The following TBCD variants were observed in gnomAD, a reference collection of about 807,000 sequenced individuals.
TBCD encodes the protein tubulin-specific chaperone D.
Under a neutral mutation model 169.3 loss-of-function variants are expected in TBCD, and 105 were observed. The observed-to-expected ratio is 0.62, with a 90% CI of 0.53 to 0.73. The LOEUF is 0.73. Ranked by LOEUF, TBCD falls within the 30% of genes least tolerant of loss-of-function variation. The pLI is 0.00. For synonymous variants in TBCD, 700 were observed against 643.9 expected (o/e 1.09, Z -1.32); for missense variants, 1,444 against 1,600.1 (o/e 0.90, Z 1.66).
chr17:82,780,105 CACTCG>C (rs2048846795), intron 6 of TBCD, among the ~76,000 whole-genome samples: 1 of 152,210 alleles, frequency 6.6e-6, no homozygotes, highest in Admixed American at 6.5e-5. Flanking sequence ...GCACCTCTCC[CACTCG>C]GCTGCTCTGC....
In TBCD at chr17:82,920,726, G is replaced by T. The variant is rs912117922; in HGVS notation, c.2101+108G>T. 5 of 1,007,256 alleles carry T rather than the reference G, an allele frequency of 5.0e-6. No homozygotes were observed. The highest frequency in any genetic ancestry group is 4.4e-6 in the Non-Finnish European group (3 of 685,222). 62.4% of individuals were successfully genotyped at this position (1,007,256 alleles called of 1,614,324 possible). ...GGGCGATAAACGATTATAGCTTAAA[G>T]GTTCAAGATATTAATCGGATACGTT... is the stretch of plus-strand genomic sequence containing the variant. On this transcript the variant is annotated intron_variant, in intron 24 of 38. Transcript: ENST00000355528. The surrounding 1 kb of genome is among the most constrained non-coding windows in gnomAD (Gnocchi z 4.1).
chr17:82,884,687 G>C lies in TBCD; in HGVS notation c.1533+485G>C, dbSNP rs1026411883. 2 of 206,860 alleles carry C rather than the reference G, an allele frequency of 9.7e-6. No homozygotes were observed. The highest frequency in any genetic ancestry group is 4.5e-5 in the African/African-American group (2 of 44,650). The allele number at this position is 206,860 out of a possible 1,614,324, so 12.8% of individuals were successfully genotyped here. ...GTGGGAGCTGCCTGCAGGACCGGGTGCGTCTTGAACACAGATGGCTGGTTT... is the reference window on the plus strand; with the variant it reads ...GTGGGAGCTGCCTGCAGGACCGGGTCCGTCTTGAACACAGATGGCTGGTTT... On this transcript the variant is annotated intron_variant, in intron 15 of 38. Transcript: ENST00000355528. The surrounding 1 kb of genome is among the most constrained non-coding windows in gnomAD (Gnocchi z 4.2).
chr17:82,911,854 G>A, intron 23 of TBCD, 65 bp downstream of exon 23: 1 of 1,584,858 alleles, frequency 6.3e-7, no homozygotes. Flanking sequence ...AGGGAGGTGT[G>A]CTCGTGGCGT....
intron 13 of TBCD, among the ~76,000 whole-genome samples, chr17:82,844,629 C>G (rs1052405612): frequency 6.6e-6 from 1 of 152,114 alleles, no homozygotes; most frequent in Non-Finnish European, 1.5e-5. Context: ...CTCCGTGGTC[C>G]TGGTGCTGCC....
rs925627025 is a variant in TBCD at position 82,887,184 on chromosome 17, T to C, written c.1534-2484T>C. On this transcript the variant is annotated intron_variant, in intron 15 of 38. Coordinates refer to ENST00000355528, the MANE Select transcript of TBCD (RefSeq NM_005993.5). The stretch of plus-strand genomic sequence containing the variant: ...GTGTGTGTGTGCGCGCGCGCGCACG[T>C]GCGCTCACGCGTTTACTTCTGTGTG... Among the ~76,000 whole-genome samples, 170 of 109,776 alleles carry C rather than the reference T, an allele frequency of 1.5e-3. 1 individual carries two copies. Among genetic ancestry groups the C allele is most frequent in the African/African-American group, 4.2e-3 (122 of 29,310 alleles). The allele number at this position is 109,776 out of a possible 152,430, so 72.0% of individuals were successfully genotyped here.
rs550036941 is a variant in TBCD, at chr17:82,889,931, C to T, written c.1563+234C>T. On this transcript the variant is annotated intron_variant, in intron 16 of 38. Transcript: ENST00000355528. This position sits in a 1 kb window ranked among gnomAD's most constrained non-coding sequence, Gnocchi z 5.3. The stretch of plus-strand genomic sequence containing the variant: ...ACAGGCCGGAAAGCTGTGCTTTACA[C>T]GTTGCCAAGAGCCACATAATGTGGC... Among the ~76,000 whole-genome samples the T allele has an allele frequency of 1.3e-5, 2 of 152,380 alleles. No homozygotes were observed. Among genetic ancestry groups the T allele is most frequent in the Non-Finnish European group, 2.9e-5 (2 of 68,038 alleles).
intron 17 of TBCD, among the ~76,000 whole-genome samples, chr17:82,894,006 C>G (rs910381100): frequency 2.6e-5 from 4 of 152,220 alleles, no homozygotes; most frequent in Non-Finnish European, 5.9e-5. Context: ...CAAGCACGGC[C>G]ACACCTCCTC....
chr17:82,838,279 C>T (rs1328254923), intron 13 of TBCD, among the ~76,000 whole-genome samples: 1 of 151,906 alleles, frequency 6.6e-6, no homozygotes, highest in Non-Finnish European at 1.5e-5. Flanking sequence ...AGTTGGGATG[C>T]TTAACAAGCT....
Position 82,818,111 on chromosome 17 carries a change from G to GGAT in TBCD, c.1318+3178_1318+3180dup, listed in dbSNP as rs1449021988. ...CTGACCCCAGGCAGCTGGGGCGAGA[G>GGAT]GATATGGGTGTTGGCATCATAAACG... is the stretch of plus-strand genomic sequence containing the variant. On this transcript the variant is annotated intron_variant, in intron 13 of 38. Coordinates refer to ENST00000355528, the MANE Select transcript of TBCD (RefSeq NM_005993.5). 2.6e-5 allele frequency among the ~76,000 whole-genome samples: 4 copies of GGAT among 152,366 alleles called. No homozygotes were observed. The East Asian group carries it at 7.7e-4, about 29-fold the overall frequency.
intron 13 of TBCD, among the ~76,000 whole-genome samples, chr17:82,839,264 C>T (rs948182061): frequency 9.9e-5 from 15 of 152,172 alleles, no homozygotes; most frequent in African/African-American, 3.6e-4. Flanking sequence ...ATACACCACA[C>T]ATATATATAA....
In TBCD at chr17:82,799,384, A is replaced by G. The variant is rs571651622; in HGVS notation, c.818-1480A>G. Among the ~76,000 whole-genome samples the G allele has an allele frequency of 1.1e-4, 15 of 133,644 alleles. No individual in the cohort carries two copies. In the East Asian group the frequency reaches 3.6e-3, roughly 32 times the overall value. The allele number at this position is 133,644 out of a possible 152,430, so 87.7% of individuals were successfully genotyped here. On this transcript the variant is annotated intron_variant, in intron 8 of 38. Coordinates refer to ENST00000355528, the MANE Select transcript of TBCD (RefSeq NM_005993.5). The stretch of plus-strand genomic sequence containing the variant: ...CTTGAGCCAGGGAGTTGGAGGTTGC[A>G]GTGAGCTGAGATCGCGCCACAGCAC...
chr17:82,860,829 CT>C (rs2056696113), intron 13 of TBCD, among the ~76,000 whole-genome samples: 1 of 152,222 alleles, frequency 6.6e-6, no homozygotes, highest in Non-Finnish European at 1.5e-5. Context: ...TGCCCCGCCC[CT>C]GAGGGAGGCC....
intron 15 of TBCD, among the ~76,000 whole-genome samples, chr17:82,887,008 C>G (rs1057012005): frequency 6.6e-6 from 1 of 151,796 alleles, no homozygotes; most frequent in Non-Finnish European, 1.5e-5. Flanking sequence ...GCAGGGAGAG[C>G]CCATGCGTGT....
rs548110866 is a variant in TBCD, at chr17:82,822,339, C to T, written c.1318+7405C>T. 2.0e-3 allele frequency among the ~76,000 whole-genome samples: 301 copies of T among 152,266 alleles called. 2 individuals are homozygous for T. The highest frequency in any genetic ancestry group is 6.9e-3 in the African/African-American group (288 of 41,544). On this transcript the variant is annotated intron_variant, in intron 13 of 38. Coordinates refer to ENST00000355528, the MANE Select transcript of TBCD (RefSeq NM_005993.5). ...AAGTCGTTAAGAAAATACAAAAGGG[C>T]GGTGAGATCCTCAGTGATGGGGCCA...
At chr17:82,896,857 C>A (rs888197752) in intron 17 of TBCD, among the ~76,000 whole-genome samples, 1 of 151,968 alleles carries the variant, frequency 6.6e-6, no homozygotes, top group Non-Finnish European at 1.5e-5. Context: ...ATCTGGGGTC[C>A]TTGCCGGCGC....
At chr17:82,900,594 A>G in intron 17 of TBCD, 57 bp from the exon 18 acceptor site, 1 of 1,376,336 alleles carries the variant, frequency 7.3e-7, no homozygotes, top group Non-Finnish European at 1.0e-6. Flanking sequence ...TCCCACCCAC[A>G]GGCAGTGAGT....
In TBCD at chr17:82,922,221, C is replaced by T. The variant is rs148832676; in HGVS notation, c.2178+644C>T. Among the ~76,000 whole-genome samples the T allele has an allele frequency of 0.027, 4,150 of 152,158 alleles. 194 individuals are homozygous for T. Among genetic ancestry groups the T allele is most frequent in the African/African-American group, 0.094 (3,899 of 41,482 alleles). On this transcript the variant is annotated intron_variant, in intron 25 of 38. Transcript: ENST00000355528. The surrounding 1 kb of genome is among the most constrained non-coding windows in gnomAD (Gnocchi z 4.1). ...ACTAAAAATACAAAAATTAGCGGGGCGAGGTGGCGCGTGCCTGTAATCCCA... is the reference window on the plus strand; with the variant it reads ...ACTAAAAATACAAAAATTAGCGGGGTGAGGTGGCGCGTGCCTGTAATCCCA...
chr17:82,936,548 G>A (rs1036881963), intron 34 of TBCD, among the ~76,000 whole-genome samples: 3 of 152,198 alleles, frequency 2.0e-5, no homozygotes, highest in African/African-American at 7.2e-5. Flanking sequence ...AGAGCAAGCC[G>A]AGGTCTGGGC....
At chr17:82,764,775 G>T (rs1043973860) in intron 3 of TBCD, among the ~76,000 whole-genome samples, 7 of 141,246 alleles carry the variant, frequency 5.0e-5, no homozygotes, top group South Asian at 4.4e-4. Flanking sequence ...GCGGGTGTCT[G>T]TGCTCATAGT....
Sources: gnomAD v4.1 joint callset for allele counts (sites outside exome capture counted in the v4.1 genomes callset) on GRCh38, gnomAD v4.1.1 for gene constraint, Gnocchi (gnomAD v3.1) non-coding constraint, MANE v1.5 for transcripts, NCBI Gene and HGNC (gene_info 2026-07-23, HGNC 2026-07-21) for gene names.